Variants in SLC8A1 observed in about 807,000 individuals in gnomAD.
The protein encoded by SLC8A1 is solute carrier family 8 member A1.
Under a neutral mutation model 68.3 loss-of-function variants are expected in SLC8A1, and 18 were observed. The ratio of observed to expected loss-of-function variants is 0.26; its 90% CI spans 0.18 to 0.39. The LOEUF (loss-of-function observed/expected upper bound fraction) is 0.39, where lower values mean the gene tolerates loss of function less well. Ranked by LOEUF, SLC8A1 falls within the 10% of genes least tolerant of loss-of-function variation. The probability of loss-of-function intolerance (pLI) is 1.00; values close to 1 mark genes in which losing one functional copy is unlikely to be tolerated. For missense variants in SLC8A1, 985 were observed against 1,156.7 expected (o/e 0.85, Z 2.15); for synonymous variants, 475 against 415.5 (o/e 1.14, Z -1.74).
intron 2 of SLC8A1, among the ~76,000 whole-genome samples, chr2:40,239,622 G>A (rs572172652): frequency 1.3e-5 from 2 of 152,250 alleles, no homozygotes; most frequent in Admixed American, 6.5e-5. Flanking sequence ...CCTCTCTGCT[G>A]CCAGTTACAA....
At chr2:40,186,290 C>T (rs1268374186) in intron 2 of SLC8A1, among the ~76,000 whole-genome samples, 3 of 152,206 alleles carry the variant, frequency 2.0e-5, no homozygotes, top group Non-Finnish European at 4.4e-5. Flanking sequence ...TTCTTACTAC[C>T]TACAGGAGAT....
chr2:40,274,315 AAC>A (rs1229744765), intron 2 of SLC8A1, among the ~76,000 whole-genome samples: 1 of 151,680 alleles, frequency 6.6e-6, no homozygotes, highest in Non-Finnish European at 1.5e-5. Flanking sequence ...TTTGTAAATA[AAC>A]ACATAATTTC....
intron 2 of SLC8A1, among the ~76,000 whole-genome samples, chr2:40,324,088 C>T (rs180935954): frequency 1.1e-4 from 16 of 151,512 alleles, no homozygotes; most frequent in African/African-American, 2.2e-4. Context: ...ATGAAAAATG[C>T]GGCATATAGT....
At chr2:40,509,190 C>T (rs937027143) in intron 1 of SLC8A1, among the ~76,000 whole-genome samples, 2 of 152,066 alleles carry the variant, frequency 1.3e-5, no homozygotes, top group African/African-American at 2.4e-5. Context: ...AAATTGAAAG[C>T]GGTTCTTCAT....
At chr2:40,502,287 C>T (rs970379849) in intron 1 of SLC8A1, among the ~76,000 whole-genome samples, 2 of 152,068 alleles carry the variant, frequency 1.3e-5, no homozygotes, top group African/African-American at 2.4e-5. Flanking sequence ...AAGGCACAAT[C>T]ATTTAGCCAG....
chr2:40,500,093 T>C (rs999121562), intron 1 of SLC8A1, among the ~76,000 whole-genome samples: 3 of 152,052 alleles, frequency 2.0e-5, no homozygotes, highest in Non-Finnish European at 4.4e-5. Flanking sequence ...CTTGTACACA[T>C]TAAATATATA....
At chr2:40,386,291 T>C (rs1683515112) in intron 2 of SLC8A1, among the ~76,000 whole-genome samples, 1 of 151,316 alleles carries the variant, frequency 6.6e-6, no homozygotes, top group Non-Finnish European at 1.5e-5. Context: ...CAGAATTTTA[T>C]AATGAGTCTA....
intron 2 of SLC8A1, among the ~76,000 whole-genome samples, chr2:40,358,097 C>A (rs1314591745): frequency 2.0e-5 from 3 of 149,736 alleles, no homozygotes; most frequent in Non-Finnish European, 1.5e-5. Flanking sequence ...GGTGACCTAG[C>A]CCTCATTCCT....
In SLC8A1 at chr2:40,192,099, A is replaced by G. The variant is rs143220773; in HGVS notation, c.1809-14244T>C. Reference sequence around the variant, plus strand: ...ATGGAAAACAAATAAAATAATTTATATAAGAGATTTTTTTCACACTTTAAG... The same window carrying G: ...ATGGAAAACAAATAAAATAATTTATGTAAGAGATTTTTTTCACACTTTAAG... On this transcript the variant is annotated intron_variant, in intron 2 of 7. Transcript: ENST00000406785. Among the ~76,000 whole-genome samples the G allele has an allele frequency of 2.8e-4, 42 of 152,270 alleles. 1 individual carries two copies. In the East Asian group the frequency reaches 8.1e-3, roughly 29 times the overall value.
chr2:40,118,676 G>A (rs1460866744), intron 7 of SLC8A1, among the ~76,000 whole-genome samples: 1 of 119,192 alleles, frequency 8.4e-6, no homozygotes, highest in Non-Finnish European at 1.6e-5. Context: ...AGGAACAAAA[G>A]TCTGAGGCAG....
At chr2:40,308,809 A>C (rs912990802) in intron 2 of SLC8A1, among the ~76,000 whole-genome samples, 1 of 152,144 alleles carries the variant, frequency 6.6e-6, no homozygotes, top group Non-Finnish European at 1.5e-5. Flanking sequence ...AAAGGGCAAA[A>C]CTTTGTCATC....
At chr2:40,185,287 G>T (rs776930450) in intron 2 of SLC8A1, among the ~76,000 whole-genome samples, 1 of 152,172 alleles carries the variant, frequency 6.6e-6, no homozygotes, top group Non-Finnish European at 1.5e-5. Flanking sequence ...AAAAACTTGT[G>T]CATGAATTTT....
At chr2:40,229,524 A>C (rs1035043347) in intron 2 of SLC8A1, among the ~76,000 whole-genome samples, 1 of 152,156 alleles carries the variant, frequency 6.6e-6, no homozygotes, top group South Asian at 2.1e-4. Flanking sequence ...AACTTTATTC[A>C]TTCAGTCAGT....
rs1055754368 is a variant in SLC8A1, at chr2:40,441,374, T to C, written c.-25+10530A>G. On this transcript the variant is annotated intron_variant, in intron 1 of 7. Coordinates refer to ENST00000406785, the Ensembl canonical transcript of SLC8A1. ...CAATGCTATTCCCATCAAACTACCA[T>C]TGACTTTCTTCATAGAATTAGAAAA... 4.8e-5 allele frequency among the ~76,000 whole-genome samples: 7 copies of C among 145,732 alleles called. No homozygotes were observed. The East Asian group carries it at 6.4e-4, about 13-fold the overall frequency.
At chr2:40,407,255 A>T (rs1386181093) in intron 2 of SLC8A1, among the ~76,000 whole-genome samples, 2 of 152,070 alleles carry the variant, frequency 1.3e-5, no homozygotes, top group Non-Finnish European at 2.9e-5. Context: ...TAGTAGAGAC[A>T]GGGTTTCACC....
At chr2:40,488,620 G>C (rs1705120483) in intron 1 of SLC8A1, among the ~76,000 whole-genome samples, 1 of 151,984 alleles carries the variant, frequency 6.6e-6, no homozygotes, top group African/African-American at 2.4e-5. Flanking sequence ...AGAGTTGGGG[G>C]GAGAAAAAGA....
At chr2:40,289,815 C>A (rs527696286) in intron 2 of SLC8A1, among the ~76,000 whole-genome samples, 8 of 151,694 alleles carry the variant, frequency 5.3e-5, no homozygotes, top group Non-Finnish European at 1.2e-4. Flanking sequence ...GAGCCGAGAT[C>A]GTGCCACTGC....
intron 2 of SLC8A1, among the ~76,000 whole-genome samples, chr2:40,374,185 T>C (rs1237991462): frequency 1.3e-5 from 2 of 152,094 alleles, no homozygotes; most frequent in African/African-American, 4.8e-5. Context: ...AGAAGTCACT[T>C]TGTGCTCAGG....
intron 1 of SLC8A1, among the ~76,000 whole-genome samples, chr2:40,487,154 G>A (rs1294165177): frequency 1.3e-5 from 2 of 152,166 alleles, no homozygotes; most frequent in East Asian, 3.9e-4. Flanking sequence ...TAATATGTAT[G>A]TATAGGAAAT....
Sources: gnomAD v4.1 joint callset for allele counts (sites outside exome capture counted in the v4.1 genomes callset) on GRCh38, gnomAD v4.1.1 for gene constraint, MANE v1.5 for transcripts, NCBI Gene and HGNC (gene_info 2026-07-23, HGNC 2026-07-21) for gene names.